Variants in SORBS2 observed in about 807,000 individuals in gnomAD.
SORBS2 encodes the protein sorbin and SH3 domain-containing protein 2.
In SORBS2, 46 loss-of-function variants were observed where a neutral mutation model predicts 97.7. That is an observed-to-expected ratio of 0.47 (90% CI 0.37 to 0.60). The LOEUF is 0.60. Ranked by LOEUF, SORBS2 falls within the 20% of genes least tolerant of loss-of-function variation. SORBS2 has a pLI of 0.00. For missense variants in SORBS2, 1,316 were observed against 1,282.3 expected (o/e 1.03, Z -0.40); for synonymous variants, 476 against 473.4 (o/e 1.01, Z -0.07).
chr4:185,837,777 A>G (rs1215390072), intron 1 of SORBS2, among the ~76,000 whole-genome samples: 3 of 152,114 alleles, frequency 2.0e-5, no homozygotes, highest in Non-Finnish European at 4.4e-5. Context: ...AAGAATCTCA[A>G]AAGAAAAATG....
At chr4:185,697,602 CT>C (rs2098195396) in intron 2 of SORBS2, among the ~76,000 whole-genome samples, 1 of 152,258 alleles carries the variant, frequency 6.6e-6, no homozygotes, top group Admixed American at 6.5e-5. Flanking sequence ...TGACGATTAG[CT>C]TTTTTAAAAA....
At chr4:185,848,692 A>G (rs1452471467) in intron 1 of SORBS2, among the ~76,000 whole-genome samples, 1 of 127,390 alleles carries the variant, frequency 7.8e-6, no homozygotes, top group East Asian at 2.2e-4. Context: ...TGCTCAGGCT[A>G]GACTCAAACT....
chr4:185,921,814 C>T (rs540209834), intron 1 of SORBS2, among the ~76,000 whole-genome samples: 1 of 152,328 alleles, frequency 6.6e-6, no homozygotes, highest in African/African-American at 2.4e-5. Context: ...TTCCAGTCTT[C>T]TTCAAAAGGA....
intron 1 of SORBS2, among the ~76,000 whole-genome samples, chr4:185,815,963 G>C (rs1044958506): frequency 2.6e-5 from 4 of 152,218 alleles, no homozygotes; most frequent in Non-Finnish European, 5.9e-5. Flanking sequence ...GTTAAGATTA[G>C]TTGATGAAGA....
intron 2 of SORBS2, among the ~76,000 whole-genome samples, chr4:185,714,535 T>C (rs2098449191): frequency 6.6e-6 from 1 of 152,196 alleles, no homozygotes; most frequent in Admixed American, 6.5e-5. Flanking sequence ...CAATTAGGTA[T>C]ACAGGTGTAT....
chr4:185,931,394 A>AG (rs1383413588), intron 1 of SORBS2, among the ~76,000 whole-genome samples: 1 of 152,212 alleles, frequency 6.6e-6, no homozygotes, highest in East Asian at 1.9e-4. Context: ...AGATTTTATG[A>AG]GGGGGGACAC....
chr4:185,920,888 TG>T (rs1474036874), intron 1 of SORBS2, among the ~76,000 whole-genome samples: 2 of 152,218 alleles, frequency 1.3e-5, no homozygotes, highest in Non-Finnish European at 2.9e-5. Flanking sequence ...CAGAATATGA[TG>T]TCATAAAGAT....
intron 1 of SORBS2, among the ~76,000 whole-genome samples, chr4:185,895,535 T>G (rs2099244595): frequency 6.6e-6 from 1 of 152,206 alleles, no homozygotes; most frequent in Non-Finnish European, 1.5e-5. Context: ...CGACACCTGG[T>G]GCTGCATGGC....
intron 1 of SORBS2, among the ~76,000 whole-genome samples, chr4:185,784,705 C>T (rs543885887): frequency 6.6e-6 from 1 of 152,112 alleles, no homozygotes. Flanking sequence ...ACCGGCTGAA[C>T]GACAGCAATA....
At chr4:185,659,583 A>ATT (rs34425567), upstream of SORBS2, among the ~76,000 whole-genome samples, 43 of 148,550 alleles carry the variant, frequency 2.9e-4, no homozygotes, top group South Asian at 4.7e-3. Flanking sequence ...CGCCCAGCTA[A>ATT]TTTTTTTTTT....
At chr4:185,597,677 G>C (rs1038323152) in intron 12 of SORBS2, among the ~76,000 whole-genome samples, 2 of 152,166 alleles carry the variant, frequency 1.3e-5, no homozygotes, top group African/African-American at 4.8e-5. Flanking sequence ...GATGTAAATA[G>C]ATTATCTGGG....
chr4:185,883,746 G>A (rs533982778), intron 1 of SORBS2, among the ~76,000 whole-genome samples: 3 of 152,332 alleles, frequency 2.0e-5, no homozygotes, highest in African/African-American at 7.2e-5. Context: ...CAGCTACTCA[G>A]GCTGAAGTGG....
intron 2 of SORBS2, among the ~76,000 whole-genome samples, chr4:185,768,720 C>CAAAAAAA (rs796182865): frequency 4.3e-5 from 4 of 93,640 alleles, no homozygotes; most frequent in Non-Finnish European, 4.6e-5. Flanking sequence ...AACAAAAAAA[C>CAAAAAAA]AAAAAAAAAT....
At chr4:185,738,201 G>A (rs369912550) in intron 2 of SORBS2, among the ~76,000 whole-genome samples, 7 of 152,126 alleles carry the variant, frequency 4.6e-5, no homozygotes, top group Non-Finnish European at 1.0e-4. Flanking sequence ...AGCAATTTTC[G>A]TGTAAATGAC....
upstream of SORBS2, among the ~76,000 whole-genome samples, chr4:185,658,851 A>C (rs965162850): frequency 4.6e-5 from 7 of 151,840 alleles, no homozygotes; most frequent in African/African-American, 1.7e-4. Flanking sequence ...TGTACAAAAA[A>C]TTTTTGTACA....
intron 1 of SORBS2, among the ~76,000 whole-genome samples, chr4:185,809,400 C>G (rs569543072): frequency 2.4e-5 from 3 of 125,654 alleles, no homozygotes; most frequent in African/African-American, 6.3e-5. Flanking sequence ...ATGAAAGCAG[C>G]TGTCCTTGCA....
At chr4:185,824,774 G>A (rs1464048663) in intron 1 of SORBS2, among the ~76,000 whole-genome samples, 2 of 152,106 alleles carry the variant, frequency 1.3e-5, no homozygotes, top group East Asian at 3.9e-4. Flanking sequence ...ACAACAAAAA[G>A]GGATAGGTGT....
chr4:185,727,928 C>T (rs144564856), intron 2 of SORBS2, among the ~76,000 whole-genome samples: 250 of 152,186 alleles, frequency 1.6e-3, no homozygotes, highest in African/African-American at 5.8e-3. Flanking sequence ...ATGATTAAAC[C>T]CATCCTTATG....
At chr4:185,843,772 T>A (rs2099212972) in intron 1 of SORBS2, among the ~76,000 whole-genome samples, 1 of 152,216 alleles carries the variant, frequency 6.6e-6, no homozygotes, top group Admixed American at 6.5e-5. Context: ...AGATATCCAT[T>A]CTCTCCAAAT....
Sources: allele counts gnomAD v4.1 joint callset (sites outside exome capture counted in the v4.1 genomes callset), GRCh38; gene constraint gnomAD v4.1.1; transcripts MANE v1.5; gene names NCBI Gene and HGNC (gene_info 2026-07-23, HGNC 2026-07-21).